Variants in ATP2A3 observed in about 807,000 individuals in gnomAD.
ATP2A3 encodes sarcoplasmic/endoplasmic reticulum calcium ATPase 3.
In ATP2A3, 61 loss-of-function variants were observed where a neutral mutation model predicts 106.8. The observed-to-expected ratio is 0.57, with a 90% CI of 0.46 to 0.71. The LOEUF (loss-of-function observed/expected upper bound fraction) is 0.71, where lower values mean the gene tolerates loss of function less well. Ranked by LOEUF, ATP2A3 falls within the 30% of genes least tolerant of loss-of-function variation. ATP2A3 has a pLI of 0.00. For missense variants in ATP2A3, 1,201 were observed against 1,423.5 expected (o/e 0.84, Z 2.52); for synonymous variants, 611 against 609.3 (o/e 1.00, Z -0.04).
chr17:3,964,097 G>T lies in ATP2A3; in HGVS notation c.118+77C>A, dbSNP rs1382883005. 3 of 785,116 alleles carry T rather than the reference G, an allele frequency of 3.8e-6. No homozygotes were observed. The Admixed American group carries it at 1.6e-4, about 43-fold the overall frequency. 48.6% of individuals were successfully genotyped at this position (785,116 alleles called of 1,614,324 possible). On this transcript the variant is annotated intron_variant, in intron 1 of 20. Transcript: ENST00000397041. ...GCTTCCTGCCCGCCCAGAGCCGGGTGGGGAGGCAGGAGGGGAAACTGAGAC... is the reference window on the plus strand; with the variant it reads ...GCTTCCTGCCCGCCCAGAGCCGGGTTGGGAGGCAGGAGGGGAAACTGAGAC...
Position 3,953,463 on chromosome 17 carries a change from C to T in ATP2A3, c.137-34G>A, listed in dbSNP as rs767270688. The T allele has an allele frequency of 6.2e-6, 10 of 1,604,462 alleles. No homozygotes were observed. Among genetic ancestry groups the T allele is most frequent in the African/African-American group, 1.3e-5 (1 of 74,740 alleles). ...GGGGGTCATGTGTGAGGCTGGGCCC[C>T]CACCACTGACCCTGCCCACTCAGAG... On this transcript the variant is annotated intron_variant, in intron 2 of 20. Transcript: ENST00000397041. The surrounding 1 kb of genome is among the most constrained non-coding windows in gnomAD (Gnocchi z 5.1).
rs201078996 is a variant in ATP2A3, at chr17:3,941,130, G to A, written c.1941C>T (p.Asp647=). 1.9e-5 allele frequency: 30 copies of A among 1,614,122 alleles called. No individual in the cohort carries two copies. The Middle Eastern group carries it at 4.9e-4, about 27-fold the overall frequency. Residue 647 remains aspartate, a synonymous_variant, in exon 14 of 21, where the codon GAC becomes GAT. Coordinates refer to ENST00000397041, the MANE Select transcript of ATP2A3 (RefSeq NM_005173.4). ...RRLGIFGDTE[D]VAGKAYTGRE... is the part of the protein sequence containing the mutation. Reference sequence around the variant, plus strand: ...GGCCCGTGTAGGCCTTGCCCGCCACGTCTTCCGTGTCCCCAAAGATGCCAA... The same window carrying A: ...GGCCCGTGTAGGCCTTGCCCGCCACATCTTCCGTGTCCCCAAAGATGCCAA...
rs1255503277 is a variant in ATP2A3 at position 3,928,740 on chromosome 17, A to G, written c.2903T>C (p.Val968Ala). 28 of 1,551,820 alleles carry G rather than the reference A, an allele frequency of 1.8e-5. No homozygotes were observed. Among genetic ancestry groups the G allele is most frequent in the Non-Finnish European group, 2.3e-5 (26 of 1,147,640 alleles). Residue 968 changes from valine to alanine, a missense_variant, in exon 20 of 21, where the codon GTG becomes GCG. By Grantham distance (64) the Val-to-Ala change is moderately conservative. Around this residue, in one of 2 missense-constraint regions of ATP2A3, gnomAD observed 935 missense variants for 1,176.7 expected, o/e 0.79. Coordinates refer to ENST00000397041, the MANE Select transcript of ATP2A3 (RefSeq NM_005173.4). This position sits in a 1 kb window ranked among gnomAD's most constrained non-coding sequence, Gnocchi z 6.1. Reference sequence around the variant, plus strand: ...AGGCAGAGATATCTGGAGCACCACCACCCACTGGCGCCCGCTCAGTGGGGT... The same window carrying G: ...AGGCAGAGATATCTGGAGCACCACCGCCCACTGGCGCCCGCTCAGTGGGGT... ...QVTPLSGRQW[V>A]VVLQISLPVI...
At position 3,964,422 on chromosome 17, in the gene ATP2A3, A is replaced by C. The variant is rs2144829160; in HGVS notation, c.-131T>G. On this transcript the variant is annotated 5_prime_UTR_variant, in exon 1 of 21. Coordinates refer to ENST00000397041, the MANE Select transcript of ATP2A3 (RefSeq NM_005173.4). ...GAGGCCATGTCCGTGCTGGGACCTT[A>C]CCCGACGGCAGTGGCGGCGGCGGCC... 1 of 331,298 alleles carries C rather than the reference A, an allele frequency of 3.0e-6. No homozygotes were observed. Among genetic ancestry groups the C allele is most frequent in the African/African-American group, 2.3e-5 (1 of 42,908 alleles). 20.5% of individuals were successfully genotyped at this position (331,298 alleles called of 1,614,324 possible). A position where few individuals can be genotyped will look rare whatever the true frequency, so the allele number is the denominator to read the frequency against.
In ATP2A3 at chr17:3,928,508, G is replaced by C. The variant is rs1597562784; in HGVS notation, c.2980+155C>G. Reference sequence around the variant, plus strand: ...CGGACACCTTGGGACCCAGCCACCAGAGCCCCTTCACACCCTCCACTTGGT... The same window carrying C: ...CGGACACCTTGGGACCCAGCCACCACAGCCCCTTCACACCCTCCACTTGGT... On this transcript the variant is annotated intron_variant, in intron 20 of 20. Transcript: ENST00000397041. This position sits in a 1 kb window ranked among gnomAD's most constrained non-coding sequence, Gnocchi z 6.1. The C allele has an allele frequency of 1.1e-5, 10 of 950,618 alleles. No individual in the cohort carries two copies. The highest frequency in any genetic ancestry group is 2.6e-5 in the East Asian group (1 of 38,058). The allele number at this position is 950,618 out of a possible 1,614,324, so 58.9% of individuals were successfully genotyped here.
chr17:3,930,655 A>G lies in ATP2A3; in HGVS notation c.2611-221T>C. 7.9e-6 allele frequency: 5 copies of G among 631,952 alleles called. No homozygotes were observed. In the South Asian group the frequency reaches 8.9e-5, roughly 11 times the overall value. The allele number at this position is 631,952 out of a possible 1,614,324, so 39.1% of individuals were successfully genotyped here. On this transcript the variant is annotated intron_variant, in intron 17 of 20. Coordinates refer to ENST00000397041, the MANE Select transcript of ATP2A3 (RefSeq NM_005173.4). This position sits in a 1 kb window ranked among gnomAD's most constrained non-coding sequence, Gnocchi z 5.4. ...GGAGAAGCAAGGGCACAGCGTGGGA[A>G]AGGCAGACGTTCTGGAGCAGGAGTG... is the stretch of plus-strand genomic sequence containing the variant.
chr17:3,942,467 G>T, intron 12 of ATP2A3, 139 bp downstream of exon 12: 1 of 1,310,538 alleles, frequency 7.6e-7, no homozygotes, highest in Non-Finnish European at 1.0e-6. Flanking sequence ...TACACCACCG[G>T]TTAGAGGCAA....
Position 3,925,523 on chromosome 17 carries a change from CT to C in ATP2A3, c.2981-83del. 2 of 1,520,706 alleles carry C rather than the reference CT, an allele frequency of 1.3e-6. No homozygotes were observed. The highest frequency in any genetic ancestry group is 1.8e-6 in the Non-Finnish European group (2 of 1,122,848). 94.2% of individuals were successfully genotyped at this position (1,520,706 alleles called of 1,614,324 possible). ...CAGCTTCCTTCCAGCCCCTTCCATCCTCCACTTCTCCCAGGACAGCCCCAGG... is the reference window on the plus strand; with the variant it reads ...CAGCTTCCTTCCAGCCCCTTCCATCCCCACTTCTCCCAGGACAGCCCCAGG... On this transcript the variant is annotated intron_variant, in intron 20 of 20. Transcript: ENST00000397041. The surrounding 1 kb of genome is among the most constrained non-coding windows in gnomAD (Gnocchi z 4.2).
chr17:3,928,960 A>G lies in ATP2A3; in HGVS notation c.2863-180T>C, dbSNP rs549347525. Among the ~76,000 whole-genome samples the G allele has an allele frequency of 7.2e-6, 1 of 139,790 alleles. No homozygotes were observed. Among genetic ancestry groups the G allele is most frequent in the South Asian group, 2.3e-4 (1 of 4,390 alleles). The allele number at this position is 139,790 out of a possible 152,430, so 91.7% of individuals were successfully genotyped here. On this transcript the variant is annotated intron_variant, in intron 19 of 20. Coordinates refer to ENST00000397041, the MANE Select transcript of ATP2A3 (RefSeq NM_005173.4). This position sits in a 1 kb window ranked among gnomAD's most constrained non-coding sequence, Gnocchi z 6.1. ...TGCACCCCCCGATCTTTGTCTGTTCAGCTGCACCCCCCAATCTTTGTCCGC... is the reference window on the plus strand; with the variant it reads ...TGCACCCCCCGATCTTTGTCTGTTCGGCTGCACCCCCCAATCTTTGTCCGC...
In ATP2A3 at chr17:3,947,091, G is replaced by A. The variant is rs1304753626; in HGVS notation, c.1095+300C>T. Among the ~76,000 whole-genome samples, 14 of 152,218 alleles carry A rather than the reference G, an allele frequency of 9.2e-5. No individual in the cohort carries two copies. Among genetic ancestry groups the A allele is most frequent in the Admixed American group, 5.9e-4 (9 of 15,274 alleles). On this transcript the variant is annotated intron_variant, in intron 8 of 20. Transcript: ENST00000397041. The surrounding 1 kb of genome is among the most constrained non-coding windows in gnomAD (Gnocchi z 7.7). ...CTTGAGCCTCTCCTATGTCCTTTAC[G>A]TTTACCTAGCAGGGCTCACACAGCC...
intron 17 of ATP2A3, among the ~76,000 whole-genome samples, chr17:3,934,362 C>A (rs1273132895): frequency 6.6e-6 from 1 of 151,888 alleles, no homozygotes; most frequent in African/African-American, 2.4e-5. Context: ...AAGCTACAGG[C>A]ACACATCACC....
At chr17:3,944,103 C>T (rs1480230349) in intron 10 of ATP2A3, among the ~76,000 whole-genome samples, 1 of 152,200 alleles carries the variant, frequency 6.6e-6, no homozygotes, top group Non-Finnish European at 1.5e-5. Flanking sequence ...GGGCTCAGCC[C>T]GCATCTCTCT....
rs1174008086 is a variant in ATP2A3 at position 3,940,031 on chromosome 17, C to CTTTTTTTTTTTTTTTT, written c.2100+939_2100+940insAAAAAAAAAAAAAAAA. Reference sequence around the variant, plus strand: ...ATGGGTTGATGGTAATGTGTCATATCTTTTTTTTTTTGTTTTTTGTTTTTT... The same window carrying CTTTTTTTTTTTTTTTT: ...ATGGGTTGATGGTAATGTGTCATATCTTTTTTTTTTTTTTTTTTTTTTTTTTTGTTTTTTGTTTTTT... On this transcript the variant is annotated intron_variant, in intron 14 of 20. Coordinates refer to ENST00000397041, the MANE Select transcript of ATP2A3 (RefSeq NM_005173.4). Among the ~76,000 whole-genome samples, 14 of 96,516 alleles carry CTTTTTTTTTTTTTTTT rather than the reference C, an allele frequency of 1.5e-4. 2 individuals carry two copies. The highest frequency in any genetic ancestry group is 6.2e-4 in the African/African-American group (13 of 21,138). 63.3% of individuals were successfully genotyped at this position (96,516 alleles called of 152,430 possible).
Position 3,947,266 on chromosome 17 carries a change from G to C in ATP2A3, c.1095+125C>G. 2.5e-6 allele frequency: 3 copies of C among 1,215,916 alleles called. No homozygotes were observed. The highest frequency in any genetic ancestry group is 3.5e-6 in the Non-Finnish European group (3 of 848,652). The allele number at this position is 1,215,916 out of a possible 1,614,324, so 75.3% of individuals were successfully genotyped here. The stretch of plus-strand genomic sequence containing the variant: ...CTTGTGAAAACCTGGACCTGCTCTG[G>C]GCCAAGGGACAGCCCACAGATTCTC... On this transcript the variant is annotated intron_variant, in intron 8 of 20. Transcript: ENST00000397041. This position sits in a 1 kb window ranked among gnomAD's most constrained non-coding sequence, Gnocchi z 7.7.
intron 17 of ATP2A3, among the ~76,000 whole-genome samples, chr17:3,933,405 T>A (rs2053230111): frequency 6.6e-6 from 1 of 151,292 alleles, no homozygotes; most frequent in Non-Finnish European, 1.5e-5. Flanking sequence ...ATTCCCCAGG[T>A]CATAGGTCTC....
rs779392080 is a variant in ATP2A3 at position 3,930,130 on chromosome 17, C to T, written c.2744+171G>A. ...CAGACCCCAATCCTGGACCCCTGAC[C>T]CTCAGACACTGATACTGGAACCCCC... On this transcript the variant is annotated intron_variant, in intron 18 of 20. Transcript: ENST00000397041. This position sits in a 1 kb window ranked among gnomAD's most constrained non-coding sequence, Gnocchi z 5.4. Among the ~76,000 whole-genome samples the T allele has an allele frequency of 1.3e-4, 19 of 149,544 alleles. No homozygotes were observed. The highest frequency in any genetic ancestry group is 2.0e-4 in the African/African-American group (8 of 39,538).
rs769717405 is a variant in ATP2A3, at chr17:3,951,653, G to T, written c.252C>A (p.Thr84=). Residue 84 remains threonine, a synonymous_variant, in exon 4 of 21, where the codon ACC becomes ACA. Coordinates refer to ENST00000397041, the MANE Select transcript of ATP2A3 (RefSeq NM_005173.4). ...VLAWFEEGEE[T]TTAFVEPLVI... ...CCAGGGGCTCCACGAAGGCGGTCGT[G>T]GTCTCCTCGCCCTCCTCGAACCAGG... 11 of 1,611,438 alleles carry T rather than the reference G, an allele frequency of 6.8e-6. No homozygotes were observed. In the South Asian group the frequency reaches 1.1e-4, roughly 16 times the overall value.
chr17:3,952,413 AG>A (rs2054502506), intron 3 of ATP2A3, among the ~76,000 whole-genome samples: 1 of 152,160 alleles, frequency 6.6e-6, no homozygotes, highest in African/African-American at 2.4e-5. Flanking sequence ...CCCATTAGCC[AG>A]GGGAGCATCA....
Position 3,936,567 on chromosome 17 carries a change from CCACT to C in ATP2A3, c.2322-102_2322-99del, listed in dbSNP as rs1218923002. ...GACCCAAGGCTGGGAGCTCACCCACCCACTGTCTCCACAGCAGCCCCTCCTCCCT... is the reference window on the plus strand; with the variant it reads ...GACCCAAGGCTGGGAGCTCACCCACCGTCTCCACAGCAGCCCCTCCTCCCT... On this transcript the variant is annotated intron_variant, in intron 15 of 20. Transcript: ENST00000397041. This position sits in a 1 kb window ranked among gnomAD's most constrained non-coding sequence, Gnocchi z 5.4. 3.2e-5 allele frequency: 40 copies of C among 1,264,550 alleles called. No homozygotes were observed. The highest frequency in any genetic ancestry group is 1.4e-4 in the East Asian group (6 of 41,932). 78.3% of individuals were successfully genotyped at this position (1,264,550 alleles called of 1,614,324 possible). A position where few individuals can be genotyped will look rare whatever the true frequency, so the allele number is the denominator to read the frequency against.
Sources: allele counts gnomAD v4.1 joint callset (sites outside exome capture counted in the v4.1 genomes callset), GRCh38; gene constraint gnomAD v4.1.1; regional missense constraint gnomAD v4.1.1; non-coding constraint Gnocchi (gnomAD v3.1); transcripts MANE v1.5; gene names NCBI Gene and HGNC (gene_info 2026-07-23, HGNC 2026-07-21).